DAB2: variants seen among roughly 807,000 people sequenced by gnomAD.
The protein encoded by DAB2 is DAB adaptor protein 2.
DAB2 carries 28 observed loss-of-function variants against 71.6 expected under a neutral mutation model. The observed-to-expected ratio is 0.39, with a 90% CI of 0.29 to 0.54. DAB2 has a LOEUF of 0.54. DAB2 is among the 20% of genes least tolerant of loss of function. The pLI is 0.68. For missense variants in DAB2, 867 were observed against 928.8 expected (o/e 0.93, Z 0.86); for synonymous variants, 345 against 339.7 (o/e 1.02, Z -0.17).
rs777005444 is a variant in DAB2 at position 39,392,456 on chromosome 5, G to T, written c.239C>A (p.Ala80Glu). 4 of 1,612,304 alleles carry T rather than the reference G, an allele frequency of 2.5e-6. No homozygotes were observed. The highest frequency in any genetic ancestry group is 3.4e-6 in the Non-Finnish European group (4 of 1,178,418). ...QDSMMKLKGM[A>E]AAGRSQGQHK... The stretch of plus-strand genomic sequence containing the variant: ...TTGTCCCTGAGACCGACCAGCTGCC[G>T]CCATTCCCTGATGAGGGTGGAAAAA... Residue 80 changes from alanine (A) to glutamate (E), a missense_variant, in exon 4 of 15, where the codon GCG becomes GAG. Around this residue, in one of 2 missense-constraint regions of DAB2, gnomAD observed 127 missense variants for 194.4 expected, o/e 0.65. Transcript: ENST00000320816.
intron 11 of DAB2, among the ~76,000 whole-genome samples, chr5:39,378,607 A>T (rs1299590005): frequency 6.6e-6 from 1 of 152,184 alleles, no homozygotes; most frequent in African/African-American, 2.4e-5. Flanking sequence ...ATGGGCACAC[A>T]TGGTGTACTC....
chr5:39,380,718 T>G (rs1212851438), intron 11 of DAB2, among the ~76,000 whole-genome samples: 1 of 152,218 alleles, frequency 6.6e-6, no homozygotes, highest in Non-Finnish European at 1.5e-5. Context: ...CACAAGCTAA[T>G]GACACATTTA....
chr5:39,394,124 T>C (rs1755300280), intron 2 of DAB2, 106 bp downstream of exon 2: 2 of 885,042 alleles, frequency 2.3e-6, no homozygotes, highest in East Asian at 2.6e-5. Context: ...TAAGCTGAGG[T>C]TGAAGGAAGA....
At chr5:39,386,080 TG>T (rs1276236745) in intron 9 of DAB2, among the ~76,000 whole-genome samples, 15 of 152,234 alleles carry the variant, frequency 9.9e-5, no homozygotes, top group African/African-American at 3.6e-4. Context: ...TCACAGATCA[TG>T]TCTTATATTC....
At chr5:39,394,841 G>C (rs547390557) in intron 1 of DAB2, among the ~76,000 whole-genome samples, 2 of 152,104 alleles carry the variant, frequency 1.3e-5, no homozygotes, top group Non-Finnish European at 2.9e-5. Context: ...TCAGTTCTTC[G>C]GAAAATTGCT....
chr5:39,388,840 C>T lies in DAB2; in HGVS notation c.583G>A (p.Ala195Thr). 6.2e-7 allele frequency: 1 copy of T among 1,612,888 alleles called. No individual in the cohort carries two copies. Among genetic ancestry groups the T allele is most frequent in the Non-Finnish European group, 8.5e-7 (1 of 1,178,994 alleles). ...GTTTGGTCATCTAGAATCATTAGGG[C>T]CTCACTCCCATTCTGAAAAGATAGC... is the stretch of plus-strand genomic sequence containing the variant. ...ASKAVENGSE[A>T]LMILDDQTNK... is the part of the protein sequence containing the mutation. Residue 195 changes from alanine to threonine, a missense_variant, in exon 8 of 15, where the codon GCC (alanine) becomes ACC (threonine). Ala to Thr is a moderately conservative substitution (Grantham distance 58). This residue lies in a region of DAB2 where 740 missense variants were observed against 734.3 expected (regional missense o/e 1.01). Coordinates refer to ENST00000320816, the MANE Select transcript of DAB2 (RefSeq NM_001343.4).
chr5:39,382,237 T>G (rs1436819179), intron 10 of DAB2, among the ~76,000 whole-genome samples: 1 of 152,120 alleles, frequency 6.6e-6, no homozygotes, highest in Non-Finnish European at 1.5e-5. Context: ...ACATGATGGG[T>G]GTGCAGGGCA....
At chr5:39,392,338 G>C in intron 4 of DAB2, 27 bp downstream of exon 4, 4 of 1,548,514 alleles carry the variant, frequency 2.6e-6, no homozygotes, top group Non-Finnish European at 2.7e-6. Context: ...GGTGGTCAGA[G>C]AGGTATCAGC....
chr5:39,382,579 A>G, intron 10 of DAB2, 39 bp downstream of exon 10: 1 of 1,578,288 alleles, frequency 6.3e-7, no homozygotes, highest in South Asian at 1.1e-5. Context: ...GGTACCGAAC[A>G]TGCACTCTGC....
In DAB2 at chr5:39,386,570, T is replaced by C. The variant is rs375092868; in HGVS notation, c.687+1735A>G. On this transcript the variant is annotated intron_variant, in intron 9 of 14. Coordinates refer to ENST00000320816, the MANE Select transcript of DAB2 (RefSeq NM_001343.4). ...ATGGTATTTATTACTTTATTGTTAGTTTAACTAAAACTTGAATTCCTATAA... is the reference window on the plus strand; with the variant it reads ...ATGGTATTTATTACTTTATTGTTAGCTTAACTAAAACTTGAATTCCTATAA... Among the ~76,000 whole-genome samples the C allele has an allele frequency of 1.4e-3, 206 of 152,314 alleles. 10 individuals carry two copies. The South Asian group carries it at 0.04, about 29-fold the overall frequency.
intron 1 of DAB2, among the ~76,000 whole-genome samples, chr5:39,398,970 T>G (rs1247071616): frequency 6.6e-6 from 1 of 152,156 alleles, no homozygotes; most frequent in Non-Finnish European, 1.5e-5. Flanking sequence ...TTAGCAGGGT[T>G]TTTAATGAGT....
At chr5:39,401,066 T>C (rs1002101998) in intron 1 of DAB2, among the ~76,000 whole-genome samples, 1 of 152,208 alleles carries the variant, frequency 6.6e-6, no homozygotes, top group Non-Finnish European at 1.5e-5. Flanking sequence ...TTCTGATACT[T>C]TATGCAAATC....
At chr5:39,412,217 G>T (rs1168801416) in intron 1 of DAB2, among the ~76,000 whole-genome samples, 1 of 152,090 alleles carries the variant, frequency 6.6e-6, no homozygotes, top group Non-Finnish European at 1.5e-5. Context: ...TAGGCCACTA[G>T]CTACCCTAGA....
At chr5:39,421,480 G>A (rs986063066) in intron 1 of DAB2, among the ~76,000 whole-genome samples, 3 of 152,142 alleles carry the variant, frequency 2.0e-5, no homozygotes, top group Non-Finnish European at 4.4e-5. Flanking sequence ...CATGTAACCT[G>A]CAACCCTGTA....
intron 1 of DAB2, among the ~76,000 whole-genome samples, chr5:39,416,504 T>C (rs1298394011): frequency 6.6e-6 from 1 of 152,180 alleles, no homozygotes; most frequent in East Asian, 1.9e-4. Context: ...GGCTGTGGAC[T>C]ATACATATAC....
intron 1 of DAB2, among the ~76,000 whole-genome samples, chr5:39,395,148 G>A (rs1331223963): frequency 6.6e-6 from 1 of 152,160 alleles, no homozygotes; most frequent in Non-Finnish European, 1.5e-5. Context: ...CATAGTAGGA[G>A]AAACAGGAAA....
chr5:39,421,532 T>A (rs1755985471), intron 1 of DAB2, among the ~76,000 whole-genome samples: 1 of 152,172 alleles, frequency 6.6e-6, no homozygotes, highest in African/African-American at 2.4e-5. Context: ...AGAAGGTAGT[T>A]CTCAACTACT....
At chr5:39,418,004 A>T (rs1354116548) in intron 1 of DAB2, 1 of 152,216 alleles carries the variant, frequency 6.6e-6, no homozygotes, top group Non-Finnish European at 1.5e-5. Flanking sequence ...TATCAGCTAC[A>T]TACTTGTTTT....
In DAB2 at chr5:39,377,076, C is replaced by T; in HGVS notation, c.1711G>A (p.Val571Ile). Reference protein sequence around the residue: ...FAASTPPPVPVVWGPSASVAP... With the variant: ...FAASTPPPVPIVWGPSASVAP... ...ACAGATGCAGAAGGGCCCCAGACAA[C>T]AGGCACTGGAGGGGGAGTTGAGGCT... Residue 571 changes from valine to isoleucine, a missense_variant, in exon 12 of 15, where the codon GTT (valine) becomes ATT (isoleucine). Coordinates refer to ENST00000320816, the MANE Select transcript of DAB2 (RefSeq NM_001343.4). The T allele has an allele frequency of 1.2e-6, 2 of 1,614,162 alleles. No homozygotes were observed. The highest frequency in any genetic ancestry group is 1.7e-6 in the Non-Finnish European group (2 of 1,180,022).
Sources: allele counts gnomAD v4.1 joint callset (sites outside exome capture counted in the v4.1 genomes callset), GRCh38; gene constraint gnomAD v4.1.1; regional missense constraint gnomAD v4.1.1; transcripts MANE v1.5; gene names NCBI Gene and HGNC (gene_info 2026-07-23, HGNC 2026-07-21).